The following WDPCP variants were observed in gnomAD, a reference collection of about 807,000 sequenced individuals.
WDPCP encodes WD repeat containing planar cell polarity effector.
Under a neutral mutation model 93.1 loss-of-function variants are expected in WDPCP, and 71 were observed. That is an observed-to-expected ratio of 0.76 (90% confidence interval 0.63 to 0.93). The LOEUF (loss-of-function observed/expected upper bound fraction) is 0.93, where lower values mean the gene tolerates loss of function less well. Ranked by LOEUF, WDPCP falls within the 40% of genes least tolerant of loss-of-function variation. WDPCP has a pLI of 0.00. For synonymous variants in WDPCP, 315 were observed against 315.0 expected (o/e 1.00, Z 0.00); for missense variants, 844 against 887.4 (o/e 0.95, Z 0.62).
intron 17 of WDPCP, among the ~76,000 whole-genome samples, chr2:63,131,374 G>A (rs1297514019): frequency 6.6e-6 from 1 of 150,872 alleles, no homozygotes. Context: ...ATTTTTCTTG[G>A]TGGCTAGCAT....
At chr2:63,184,122 G>A (rs958970289) in intron 14 of WDPCP, among the ~76,000 whole-genome samples, 2 of 151,962 alleles carry the variant, frequency 1.3e-5, no homozygotes, top group Admixed American at 6.6e-5. Context: ...ATCTACTTAT[G>A]TACAATGTTC....
At chr2:63,341,197 C>T (rs1466892158) in intron 12 of WDPCP, among the ~76,000 whole-genome samples, 7 of 152,132 alleles carry the variant, frequency 4.6e-5, no homozygotes, top group Non-Finnish European at 7.3e-5. Flanking sequence ...GGCGTGATCT[C>T]GGCATACTGC....
At chr2:63,198,982 A>G (rs1212990374) in intron 14 of WDPCP, among the ~76,000 whole-genome samples, 1 of 152,162 alleles carries the variant, frequency 6.6e-6, no homozygotes, top group African/African-American at 2.4e-5. Flanking sequence ...TGGGAACTGG[A>G]GTAAAGTCAC....
intron 3 of WDPCP, chr2:63,595,519 G>A (rs1428076642): frequency 6.3e-7 from 1 of 1,585,758 alleles, no homozygotes; most frequent in African/African-American, 1.3e-5. Flanking sequence ...CCTCCTGAAA[G>A]GTGGGTTGGG....
chr2:63,525,950 G>A (rs1703307777), intron 1 of WDPCP, among the ~76,000 whole-genome samples: 1 of 152,280 alleles, frequency 6.6e-6, no homozygotes, highest in South Asian at 2.1e-4. Flanking sequence ...TCCTCAGGTT[G>A]CAACAGCCAC....
chr2:63,528,461 T>A (rs929442866), intron 1 of WDPCP, among the ~76,000 whole-genome samples: 2 of 152,218 alleles, frequency 1.3e-5, no homozygotes, highest in African/African-American at 4.8e-5. Context: ...CAGCACCATT[T>A]ATTAAATAGG....
At chr2:63,759,455 A>G (rs569741272) in intron 2 of WDPCP, among the ~76,000 whole-genome samples, 2 of 152,320 alleles carry the variant, frequency 1.3e-5, no homozygotes, top group Non-Finnish European at 2.9e-5. Context: ...ACACAATTGC[A>G]GGGCTTGGTA....
At chr2:63,420,229 G>A (rs1695741376) in intron 9 of WDPCP, among the ~76,000 whole-genome samples, 1 of 151,794 alleles carries the variant, frequency 6.6e-6, no homozygotes, top group African/African-American at 2.4e-5. Context: ...TTCTTTTAAT[G>A]AAATAAATAT....
intron 17 of WDPCP, among the ~76,000 whole-genome samples, chr2:63,133,033 C>T (rs1670390903): frequency 2.0e-5 from 3 of 152,184 alleles, no homozygotes; most frequent in Admixed American, 2.0e-4. Context: ...AAGTCCTTTC[C>T]TAATTATCTT....
intron 1 of WDPCP, among the ~76,000 whole-genome samples, chr2:63,504,463 C>G (rs1701747092): frequency 6.6e-6 from 1 of 151,760 alleles, no homozygotes; most frequent in Admixed American, 6.6e-5. Context: ...TAAATCAACT[C>G]TGAGAGACCC....
chr2:63,442,574 T>A (rs939526302), intron 6 of WDPCP: 1 of 152,166 alleles, frequency 6.6e-6, no homozygotes, highest in Non-Finnish European at 1.5e-5. Flanking sequence ...TTAAAAACCT[T>A]GTAACCCAGG....
chr2:63,622,092 GA>G, intron 3 of WDPCP: 1 of 394,624 alleles, frequency 2.5e-6, no homozygotes, highest in African/African-American at 4.2e-5. Context: ...TTTGGAAGTT[GA>G]TTTTTAATGA....
chr2:63,477,911 T>G (rs1313107136), intron 6 of WDPCP: 1 of 152,026 alleles, frequency 6.6e-6, no homozygotes, highest in Non-Finnish European at 1.5e-5. Flanking sequence ...GGGAAGCCAT[T>G]TCTGACTTTT....
At chr2:63,295,880 CAAAAA>C (rs59418675) in intron 13 of WDPCP, among the ~76,000 whole-genome samples, 17,709 of 115,272 alleles carry the variant, frequency 0.15, 1,454 homozygotes, top group Non-Finnish European at 0.21. Context: ...GAAACTATTC[CAAAAA>C]AAAAAAAAAA....
intron 9 of WDPCP, among the ~76,000 whole-genome samples, chr2:63,431,725 T>G (rs775262243): frequency 2.0e-5 from 3 of 152,036 alleles, no homozygotes; most frequent in Non-Finnish European, 2.9e-5. Context: ...TTCTACAAGA[T>G]TATACTTTTT....
At chr2:63,200,113 G>T (rs973381955) in intron 14 of WDPCP, among the ~76,000 whole-genome samples, 4 of 152,202 alleles carry the variant, frequency 2.6e-5, no homozygotes, top group Non-Finnish European at 4.4e-5. Context: ...TGGAATGGGT[G>T]TATTTATCCA....
intron 2 of WDPCP, among the ~76,000 whole-genome samples, chr2:63,690,742 G>A (rs193103991): frequency 2.9e-4 from 44 of 151,964 alleles, no homozygotes; most frequent in Non-Finnish European, 5.0e-4. Context: ...ACCCTGTCTC[G>A]AGAAAACAAA....
intron 1 of WDPCP, among the ~76,000 whole-genome samples, chr2:63,573,927 A>T (rs1416220577): frequency 6.6e-6 from 1 of 152,168 alleles, no homozygotes; most frequent in Non-Finnish European, 1.5e-5. Flanking sequence ...AATAAGCCCC[A>T]GTCTCCCGTA....
intron 2 of WDPCP, among the ~76,000 whole-genome samples, chr2:63,675,975 C>T (rs189524072): frequency 6.6e-5 from 10 of 152,284 alleles, no homozygotes; most frequent in African/African-American, 2.2e-4. Context: ...TCATAGTTTA[C>T]GATTACTTTC....
Sources: gnomAD v4.1 joint callset for allele counts (sites outside exome capture counted in the v4.1 genomes callset) on GRCh38, gnomAD v4.1.1 for gene constraint, MANE v1.5 for transcripts, NCBI Gene and HGNC (gene_info 2026-07-23, HGNC 2026-07-21) for gene names.